The following CMIP variants were observed in gnomAD, a reference collection of about 807,000 sequenced individuals.
CMIP encodes the protein C-Maf-inducing protein.
A neutral mutation model predicts 97.3 loss-of-function variants in CMIP; 13 were observed. That is an observed-to-expected ratio of 0.13 (90% CI 0.09 to 0.21). CMIP has a LOEUF of 0.21. Ranked by LOEUF, CMIP falls within the 10% of genes least tolerant of loss-of-function variation. The pLI is 1.00. For missense variants in CMIP, 847 were observed against 1,024.9 expected, an observed-to-expected ratio of 0.83 and a Z score of 2.37; for synonymous variants, 538 against 436.3, an observed-to-expected ratio of 1.23 and a Z score of -2.91.
chr16:81,469,779 A>G (rs1163651484), intron 1 of CMIP, among the ~76,000 whole-genome samples: 1 of 152,214 alleles, frequency 6.6e-6, no homozygotes, highest in African/African-American at 2.4e-5. Flanking sequence ...TCTACCTGGA[A>G]AATGGGATAA....
intron 2 of CMIP, chr16:81,618,693 G>C (rs140591785): frequency 1.3e-5 from 2 of 152,372 alleles, no homozygotes; most frequent in East Asian, 3.9e-4. Context: ...AAATGGGATT[G>C]TTCACAACAC....
intron 9 of CMIP, among the ~76,000 whole-genome samples, chr16:81,676,576 T>TC (rs1904315094): frequency 1.3e-5 from 2 of 151,912 alleles, no homozygotes; most frequent in South Asian, 4.2e-4. Flanking sequence ...AATTTAGGTC[T>TC]CCCCCCATCA....
At chr16:81,561,606 A>G (rs1246241554) in intron 1 of CMIP, among the ~76,000 whole-genome samples, 2 of 152,172 alleles carry the variant, frequency 1.3e-5, no homozygotes, top group African/African-American at 4.8e-5. Flanking sequence ...AGGGCCTCGC[A>G]GACAATTGCC....
chr16:81,573,254 G>T (rs1005097582), intron 1 of CMIP, among the ~76,000 whole-genome samples: 1 of 151,896 alleles, frequency 6.6e-6, no homozygotes, highest in Non-Finnish European at 1.5e-5. Flanking sequence ...TGAGTCAAGA[G>T]AATTGCTTGA....
intron 1 of CMIP, among the ~76,000 whole-genome samples, chr16:81,514,934 C>T (rs2089883964): frequency 6.6e-6 from 1 of 152,144 alleles, no homozygotes; most frequent in Non-Finnish European, 1.5e-5. Context: ...CGCTGGGGTC[C>T]AGTAACAGAA....
chr16:81,497,375 A>G (rs767236213), intron 1 of CMIP, among the ~76,000 whole-genome samples: 14 of 152,202 alleles, frequency 9.2e-5, no homozygotes, highest in South Asian at 2.1e-4. Flanking sequence ...CTTGGGGCTC[A>G]GTGAGGTTGA....
At chr16:81,556,203 GTTC>G (rs2090760479) in intron 1 of CMIP, among the ~76,000 whole-genome samples, 1 of 152,120 alleles carries the variant, frequency 6.6e-6, no homozygotes, top group Admixed American at 6.6e-5. Flanking sequence ...TACGGAACCT[GTTC>G]TAGCCCGGGT....
intron 10 of CMIP, among the ~76,000 whole-genome samples, chr16:81,691,422 G>C (rs1567665720): frequency 6.6e-6 from 1 of 152,230 alleles, no homozygotes; most frequent in Non-Finnish European, 1.5e-5. Context: ...CAGAGCTTCA[G>C]TATATGAATG....
chr16:81,483,203 G>T (rs979592443), intron 1 of CMIP, among the ~76,000 whole-genome samples: 2 of 152,220 alleles, frequency 1.3e-5, no homozygotes, highest in African/African-American at 4.8e-5. Flanking sequence ...GGTGACACTT[G>T]AGCAGGTTTG....
At chr16:81,598,748 CCT>C (rs1402911730) in intron 1 of CMIP, among the ~76,000 whole-genome samples, 1 of 152,120 alleles carries the variant, frequency 6.6e-6, no homozygotes, top group Non-Finnish European at 1.5e-5. Flanking sequence ...ATGCGGATCA[CCT>C]GAGGTCAGGC....
chr16:81,623,546 A>G (rs542279303), intron 3 of CMIP, among the ~76,000 whole-genome samples: 3 of 152,210 alleles, frequency 2.0e-5, no homozygotes, highest in South Asian at 2.1e-4. Context: ...TTGCCCCCCA[A>G]TAATTTAGGT....
At chr16:81,560,323 A>G (rs2090856538) in intron 1 of CMIP, among the ~76,000 whole-genome samples, 2 of 150,702 alleles carry the variant, frequency 1.3e-5, no homozygotes, top group African/African-American at 4.9e-5. Context: ...GGTTCACGCC[A>G]TTCTCCTGCC....
intron 1 of CMIP, 130 bp downstream of exon 1, chr16:81,445,671 G>T: frequency 9.5e-7 from 1 of 1,054,228 alleles, no homozygotes; most frequent in South Asian, 1.6e-5. Flanking sequence ...GGGGAACGGG[G>T]AGAACCAGGG....
At position 81,674,944 on chromosome 16, in the gene CMIP, G is replaced by T. The variant is rs570170115; in HGVS notation, c.1034+2874G>T. 7.2e-5 allele frequency among the ~76,000 whole-genome samples: 11 copies of T among 152,114 alleles called. No homozygotes were observed. In the South Asian group the frequency reaches 2.1e-3, roughly 29 times the overall value. ...TTAGACATTTACCAGCGTACTTTGG[G>T]TTATATGTCAATTTAAAAAAAGAAA... On this transcript the variant is annotated intron_variant, in intron 9 of 20. Transcript: ENST00000537098.
intron 3 of CMIP, among the ~76,000 whole-genome samples, chr16:81,629,455 C>G (rs2092123784): frequency 6.6e-6 from 1 of 152,236 alleles, no homozygotes; most frequent in African/African-American, 2.4e-5. Flanking sequence ...CCTGTCCCCT[C>G]TAGCCCAGCT....
chr16:81,546,156 G>A (rs1407513196), intron 1 of CMIP, among the ~76,000 whole-genome samples: 4 of 152,150 alleles, frequency 2.6e-5, no homozygotes, highest in Non-Finnish European at 4.4e-5. Context: ...CCTCGTGGGG[G>A]CATCCTGCTG....
intron 3 of CMIP, among the ~76,000 whole-genome samples, chr16:81,633,515 G>A (rs1191636317): frequency 2.0e-5 from 3 of 152,248 alleles, no homozygotes; most frequent in African/African-American, 7.2e-5. Context: ...ACTCTGGAAG[G>A]GAAGGTGTTT....
intron 1 of CMIP, among the ~76,000 whole-genome samples, chr16:81,548,007 T>C (rs960148153): frequency 4.6e-5 from 7 of 152,222 alleles, no homozygotes; most frequent in Non-Finnish European, 8.8e-5. Flanking sequence ...GTAAAGCTGT[T>C]GGAACAATTT....
intron 1 of CMIP, among the ~76,000 whole-genome samples, chr16:81,548,960 C>G (rs2090602524): frequency 6.6e-6 from 1 of 152,248 alleles, no homozygotes; most frequent in Non-Finnish European, 1.5e-5. Context: ...CCATTTCACA[C>G]ACGAGGATTG....
Sources: allele counts gnomAD v4.1 joint callset (sites outside exome capture counted in the v4.1 genomes callset), GRCh38; gene constraint gnomAD v4.1.1; transcripts MANE v1.5; gene names NCBI Gene and HGNC (gene_info 2026-07-23, HGNC 2026-07-21).